Variants in ARSB observed in about 807,000 individuals in gnomAD.
ARSB encodes arylsulfatase B.
ARSB carries 41 observed loss-of-function variants against 50.9 expected under a neutral mutation model. That is an observed-to-expected ratio of 0.81 (90% confidence interval 0.63 to 1.04). The LOEUF (loss-of-function observed/expected upper bound fraction) is 1.04. Among genes scored for constraint, ARSB ranks in the 50% least tolerant of loss-of-function variants. The probability of loss-of-function intolerance (pLI) is 0.00; values close to 1 mark genes in which losing one functional copy is unlikely to be tolerated. For missense variants in ARSB, 672 were observed against 693.3 expected, an observed-to-expected ratio of 0.97 and a Z score of 0.35; for synonymous variants, 269 against 284.8, an observed-to-expected ratio of 0.94 and a Z score of 0.56.
intron 5 of ARSB, among the ~76,000 whole-genome samples, chr5:78,870,821 T>C (rs1019719147): frequency 7.9e-5 from 12 of 151,780 alleles, no homozygotes; most frequent in Non-Finnish European, 1.5e-4. Flanking sequence ...CCAGGGCAAT[T>C]AGGCAGGGGA....
At chr5:78,955,799 T>C (rs1751698271) in intron 3 of ARSB, among the ~76,000 whole-genome samples, 1 of 152,200 alleles carries the variant, frequency 6.6e-6, no homozygotes, top group African/African-American at 2.4e-5. Flanking sequence ...ACATCATCAG[T>C]CATTATTAAG....
intron 4 of ARSB, among the ~76,000 whole-genome samples, chr5:78,953,203 T>C (rs1486761701): frequency 6.6e-6 from 1 of 152,226 alleles, no homozygotes; most frequent in Non-Finnish European, 1.5e-5. Flanking sequence ...GTAGATGCTA[T>C]TCTGGCCCTG....
At chr5:78,835,279 C>A (rs1019569845) in intron 6 of ARSB, among the ~76,000 whole-genome samples, 4 of 152,148 alleles carry the variant, frequency 2.6e-5, no homozygotes, top group Admixed American at 1.3e-4. Flanking sequence ...GGCCTCTGGG[C>A]ACCCTATAAT....
intron 5 of ARSB, among the ~76,000 whole-genome samples, chr5:78,846,152 T>C (rs1005200494): frequency 6.6e-6 from 1 of 152,202 alleles, no homozygotes; most frequent in African/African-American, 2.4e-5. Flanking sequence ...TCTTCCTCAA[T>C]AAATGTTCTT....
chr5:78,861,150 C>G (rs540958171), intron 5 of ARSB, among the ~76,000 whole-genome samples: 43 of 152,218 alleles, frequency 2.8e-4, no homozygotes, highest in African/African-American at 9.6e-4. Flanking sequence ...AGTCCAGGAC[C>G]AGACGGATTC....
At chr5:78,815,225 T>G (rs962233296) in intron 6 of ARSB, among the ~76,000 whole-genome samples, 2 of 150,714 alleles carry the variant, frequency 1.3e-5, no homozygotes, top group Non-Finnish European at 3.0e-5. Context: ...TCCCCTAAAC[T>G]CCTAATTAGA....
At chr5:78,957,397 C>T (rs531943913) in intron 3 of ARSB, among the ~76,000 whole-genome samples, 53 of 152,164 alleles carry the variant, frequency 3.5e-4, no homozygotes, top group African/African-American at 1.2e-3. Flanking sequence ...CAAATAGACC[C>T]CCCAAAAGTT....
intron 2 of ARSB, among the ~76,000 whole-genome samples, chr5:78,967,604 C>T (rs57580251): frequency 0.052 from 7,833 of 150,234 alleles, 515 homozygotes; most frequent in African/African-American, 0.15. Flanking sequence ...ACCCGGGAGG[C>T]GGAGGTTGCA....
intron 4 of ARSB, among the ~76,000 whole-genome samples, chr5:78,917,140 G>A (rs563098838): frequency 6.6e-6 from 1 of 152,314 alleles, no homozygotes; most frequent in South Asian, 2.1e-4. Flanking sequence ...TGTCAGGTCA[G>A]GATGAAGAGA....
chr5:78,972,344 C>G (rs1310555903), intron 1 of ARSB, among the ~76,000 whole-genome samples: 5 of 152,114 alleles, frequency 3.3e-5, no homozygotes, highest in Non-Finnish European at 7.4e-5. Flanking sequence ...CTACACTATC[C>G]CTAGCATTTT....
chr5:78,973,820 G>C (rs140576634), intron 1 of ARSB, among the ~76,000 whole-genome samples: 10 of 152,334 alleles, frequency 6.6e-5, no homozygotes, highest in Admixed American at 2.0e-4. Context: ...CCGTTGAACA[G>C]AAGGGAGGTT....
At chr5:78,813,377 G>T (rs909081588) in intron 6 of ARSB, among the ~76,000 whole-genome samples, 6 of 152,102 alleles carry the variant, frequency 3.9e-5, no homozygotes, top group African/African-American at 1.4e-4. Context: ...ATATTTTCAT[G>T]AACAGTTTTT....
intron 4 of ARSB, among the ~76,000 whole-genome samples, chr5:78,915,832 A>G (rs762800658): frequency 1.3e-5 from 2 of 152,246 alleles, no homozygotes; most frequent in African/African-American, 2.4e-5. Context: ...ACAAAGTTTG[A>G]CTGCATTTTG....
chr5:78,817,014 A>T, intron 6 of ARSB: 1 of 904,840 alleles, frequency 1.1e-6, no homozygotes, highest in Non-Finnish European at 1.3e-6. Context: ...GTGTTATTTT[A>T]AGCTGCTAAA....
chr5:78,972,516 T>TACGTACACACACACACACACACACAC (rs71614002), intron 1 of ARSB, among the ~76,000 whole-genome samples: 3 of 145,598 alleles, frequency 2.1e-5, no homozygotes, highest in African/African-American at 7.9e-5. Flanking sequence ...CACGCATACG[T>TACGTACACACACACACACACACACAC]ACACACACAC....
intron 6 of ARSB, among the ~76,000 whole-genome samples, chr5:78,807,573 G>A (rs1743613548): frequency 6.6e-6 from 1 of 152,132 alleles, no homozygotes; most frequent in African/African-American, 2.4e-5. Flanking sequence ...GAGCCAATGG[G>A]AGGAAATGCA....
intron 6 of ARSB, among the ~76,000 whole-genome samples, chr5:78,793,813 G>C (rs1304628728): frequency 6.6e-6 from 1 of 152,212 alleles, no homozygotes; most frequent in Admixed American, 6.5e-5. Flanking sequence ...CTAGGGAAAG[G>C]AGAAGATCTC....
chr5:78,929,217 T>C lies in ARSB; in HGVS notation c.898+26078A>G, dbSNP rs77467978. Reference sequence around the variant, plus strand: ...GTACCTCACACAGTCCCCGAGTTCTTTGCTAGGCATTGTGCTAGACTAGTG... The same window carrying C: ...GTACCTCACACAGTCCCCGAGTTCTCTGCTAGGCATTGTGCTAGACTAGTG... On this transcript the variant is annotated intron_variant, in intron 4 of 7. Coordinates refer to ENST00000264914, the MANE Select transcript of ARSB (RefSeq NM_000046.5). Among the ~76,000 whole-genome samples the C allele has an allele frequency of 4.6e-5, 7 of 152,306 alleles. No individual in the cohort carries two copies. In the East Asian group the frequency reaches 5.8e-4, roughly 13 times the overall value.
At chr5:78,859,390 T>C (rs1490823342) in intron 5 of ARSB, among the ~76,000 whole-genome samples, 3 of 152,228 alleles carry the variant, frequency 2.0e-5, no homozygotes, top group East Asian at 1.9e-4. Context: ...TATAATCTTT[T>C]CCTATTCATT....
Sources: allele counts gnomAD v4.1 joint callset (sites outside exome capture counted in the v4.1 genomes callset), GRCh38; gene constraint gnomAD v4.1.1; transcripts MANE v1.5; gene names NCBI Gene and HGNC (gene_info 2026-07-23, HGNC 2026-07-21).